The following SKA1 variants were observed in gnomAD, a reference collection of about 807,000 sequenced individuals.
The protein encoded by SKA1 is spindle and kinetochore associated complex subunit 1.
Under a neutral mutation model 31.8 loss-of-function variants are expected in SKA1, and 20 were observed. The ratio of observed to expected loss-of-function variants is 0.63; its 90% CI spans 0.44 to 0.91. The LOEUF (loss-of-function observed/expected upper bound fraction) is 0.91, where lower values mean the gene tolerates loss of function less well. SKA1 is among the 40% of genes least tolerant of loss of function. SKA1 has a pLI of 0.00. For missense variants in SKA1, 253 were observed against 298.2 expected, an observed-to-expected ratio of 0.85 and a Z score of 1.12; for synonymous variants, 88 against 100.5, an observed-to-expected ratio of 0.88 and a Z score of 0.74.
At chr18:50,385,416 A>T in intron 5 of SKA1, 63 bp downstream of exon 5, 9 of 1,326,756 alleles carry the variant, frequency 6.8e-6, no homozygotes, top group Non-Finnish European at 9.3e-6. Flanking sequence ...TTTAAATAAT[A>T]AAGCTTAATT....
intron 2 of SKA1, among the ~76,000 whole-genome samples, chr18:50,376,232 G>A (rs900681705): frequency 2.0e-5 from 3 of 152,194 alleles, no homozygotes; most frequent in Admixed American, 6.5e-5. Flanking sequence ...ACAGTCATGC[G>A]TTCCTTAATG....
intron 6 of SKA1, among the ~76,000 whole-genome samples, 153 bp from the exon 7 acceptor site, chr18:50,391,946 A>G (rs538956253): frequency 1.3e-5 from 2 of 152,364 alleles, no homozygotes; most frequent in African/African-American, 4.8e-5. Flanking sequence ...TGTTGATAGA[A>G]TAATTATTAT....
At position 50,391,163 on chromosome 18, in the gene SKA1, T is replaced by A. The variant is rs1335701514; in HGVS notation, c.489T>A (p.Asp163Glu). 1 of 1,578,638 alleles carries A rather than the reference T, an allele frequency of 6.3e-7. No individual in the cohort carries two copies. Among genetic ancestry groups the A allele is most frequent in the South Asian group, 1.2e-5 (1 of 84,996 alleles). The change falls in exon 6 of 7, where the codon GAT (aspartate) becomes GAA (glutamate). Residue 163 changes from aspartate (D) to glutamate (E), a missense_variant. Physicochemically the swap from Asp to Glu is conservative, Grantham distance 45. Transcript: ENST00000285116. ...KSRLTYNQIN[D>E]VIKEINKAVI... ...GCTTAACCTATAATCAAATTAATGA[T>A]GTTATTAAAGAAATCAACAAGGCAG...
Position 50,375,929 on chromosome 18 carries a change from C to A in SKA1, c.88+11C>A, listed in dbSNP as rs758257300. On this transcript the variant is annotated intron_variant, in intron 2 of 6. Coordinates refer to ENST00000285116, the MANE Select transcript of SKA1 (RefSeq NM_145060.4). ...CATTAAGAAACTGTGGTAAGTAAAACAGATTCCACTGACTTTGTATATACA... is the reference window on the plus strand; with the variant it reads ...CATTAAGAAACTGTGGTAAGTAAAAAAGATTCCACTGACTTTGTATATACA... 1 of 1,497,610 alleles carries A rather than the reference C, an allele frequency of 6.7e-7. No homozygotes were observed. The allele number at this position is 1,497,610 out of a possible 1,614,324, so 92.8% of individuals were successfully genotyped here.
At chr18:50,383,825 A>G (rs1234726602) in intron 4 of SKA1, among the ~76,000 whole-genome samples, 1 of 152,240 alleles carries the variant, frequency 6.6e-6, no homozygotes, top group East Asian at 1.9e-4. Context: ...GGTCAAGACA[A>G]ACAAGTACAG....
chr18:50,385,879 A>T (rs1194129811), intron 5 of SKA1, among the ~76,000 whole-genome samples: 1 of 152,194 alleles, frequency 6.6e-6, no homozygotes. Context: ...GAAAATCGAC[A>T]TTTTTAAACT....
intron 2 of SKA1, among the ~76,000 whole-genome samples, chr18:50,379,077 A>C (rs2041244023): frequency 6.6e-6 from 1 of 152,190 alleles, no homozygotes; most frequent in African/African-American, 2.4e-5. Context: ...CATATTGCCA[A>C]AGTCTGCTTT....
chr18:50,389,375 C>CTTTTTT (rs756288352), intron 5 of SKA1, among the ~76,000 whole-genome samples: 23 of 86,120 alleles, frequency 2.7e-4, no homozygotes, highest in African/African-American at 1.1e-3. Flanking sequence ...CTTTACCTTT[C>CTTTTTT]TTTTTTTTTT....
At position 50,380,301 on chromosome 18, in the gene SKA1, C is replaced by A; in HGVS notation, c.213+51C>A. On this transcript the variant is annotated intron_variant, in intron 3 of 6. Coordinates refer to ENST00000285116, the MANE Select transcript of SKA1 (RefSeq NM_145060.4). Reference sequence around the variant, plus strand: ...GTAAAAAAGACAATACATACAAACTCCCTAATCATTAAGTAATTTTTAAGG... The same window carrying A: ...GTAAAAAAGACAATACATACAAACTACCTAATCATTAAGTAATTTTTAAGG... 3 of 1,487,160 alleles carry A rather than the reference C, an allele frequency of 2.0e-6. No individual in the cohort carries two copies. The East Asian group carries it at 8.0e-5, about 39-fold the overall frequency. 92.1% of individuals were successfully genotyped at this position (1,487,160 alleles called of 1,614,324 possible). A position where few individuals can be genotyped will look rare whatever the true frequency, so the allele number is the denominator to read the frequency against.
rs756288352 is a variant in SKA1 at position 50,389,375 on chromosome 18, CTT to C, written c.450-1725_450-1724del. 5.5e-3 allele frequency among the ~76,000 whole-genome samples: 471 copies of C among 86,112 alleles called. 3 individuals carry two copies. The East Asian group carries it at 0.067, about 12-fold the overall frequency. 56.5% of individuals were successfully genotyped at this position (86,112 alleles called of 152,430 possible). A position where few individuals can be genotyped will look rare whatever the true frequency, so the allele number is the denominator to read the frequency against. On this transcript the variant is annotated intron_variant, in intron 5 of 6. Coordinates refer to ENST00000285116, the MANE Select transcript of SKA1 (RefSeq NM_145060.4). ...TCATTTTGTCATTTCCTTTACCTTT[CTT>C]TTTTTTTTTTTTTTTTTTTTTTTAC...
intron 4 of SKA1, among the ~76,000 whole-genome samples, chr18:50,382,975 G>A (rs1195810717): frequency 7.2e-5 from 11 of 152,170 alleles, no homozygotes; most frequent in African/African-American, 1.2e-4. Flanking sequence ...TCAAGGCTGC[G>A]GTGAGCCCTG....
At position 50,392,215 on chromosome 18, in the gene SKA1, G is replaced by A; in HGVS notation, c.736G>A (p.Gly246Arg). Residue 246 changes from glycine to arginine, a missense_variant, in exon 7 of 7, where the codon GGG (glycine) becomes AGG (arginine). Transcript: ENST00000285116. ...CTGCCGGAGGCTATCAGAGGTCCGA[G>A]GGGGAGGACTTACTCGTTATGTTAT... Reference protein sequence around the residue: ...RHCRRLSEVRGGGLTRYVIT With the variant: ...RHCRRLSEVRRGGLTRYVIT 1.3e-6 allele frequency: 2 copies of A among 1,598,280 alleles called. No individual in the cohort carries two copies. Among genetic ancestry groups the A allele is most frequent in the African/African-American group, 1.4e-5 (1 of 73,962 alleles).
rs1279921754 is a variant in SKA1, at chr18:50,393,108, A to G, written c.*861A>G. The G allele has an allele frequency of 6.6e-6, 1 of 152,286 alleles. No homozygotes were observed. Among genetic ancestry groups the G allele is most frequent in the African/African-American group, 2.4e-5 (1 of 41,466 alleles). The allele number at this position is 152,286 out of a possible 1,614,324, so 9.4% of individuals were successfully genotyped here. ...GAATACGCCTCTGTACTAGGCACATAATGGAACTAAAAAATGCTCATGTCC... is the reference window on the plus strand; with the variant it reads ...GAATACGCCTCTGTACTAGGCACATGATGGAACTAAAAAATGCTCATGTCC... On this transcript the variant is annotated 3_prime_UTR_variant, in exon 7 of 7. Coordinates refer to ENST00000285116, the MANE Select transcript of SKA1 (RefSeq NM_145060.4).
At chr18:50,385,051 C>T (rs530220729) in intron 4 of SKA1, among the ~76,000 whole-genome samples, 165 bp from the exon 5 acceptor site, 1 of 149,486 alleles carries the variant, frequency 6.7e-6, no homozygotes, top group Non-Finnish European at 1.5e-5. Flanking sequence ...TTTCCTTCAC[C>T]GTTTAATGTT....
intron 3 of SKA1, among the ~76,000 whole-genome samples, chr18:50,381,730 T>G (rs1042095975): frequency 6.7e-6 from 1 of 149,086 alleles, no homozygotes; most frequent in African/African-American, 2.5e-5. Context: ...GTGGTTTTTT[T>G]TTTTTTTTTT....
chr18:50,389,699 A>G (rs2041342036), intron 5 of SKA1, among the ~76,000 whole-genome samples: 1 of 152,110 alleles, frequency 6.6e-6, no homozygotes, highest in South Asian at 2.1e-4. Flanking sequence ...ACTAGCAGTC[A>G]TTTCCTTTAT....
chr18:50,387,625 G>A (rs954118801), intron 5 of SKA1, among the ~76,000 whole-genome samples: 6 of 152,134 alleles, frequency 3.9e-5, no homozygotes, highest in African/African-American at 1.4e-4. Context: ...CAAGTTCGCT[G>A]ATTCTTTCTT....
intron 2 of SKA1, 33 bp from the exon 3 acceptor site, chr18:50,380,093 C>G (rs749298908): frequency 4.4e-5 from 65 of 1,467,154 alleles, no homozygotes; most frequent in Non-Finnish European, 5.9e-5. Context: ...TTTCTATACA[C>G]TTTGTTTTCT....
chr18:50,386,374 A>G (rs980753231), intron 5 of SKA1, among the ~76,000 whole-genome samples: 6 of 152,208 alleles, frequency 3.9e-5, no homozygotes, highest in African/African-American at 1.4e-4. Flanking sequence ...AGAGTTTTTC[A>G]TACCAGTTCA....
Sources: allele counts gnomAD v4.1 joint callset (sites outside exome capture counted in the v4.1 genomes callset), GRCh38; gene constraint gnomAD v4.1.1; transcripts MANE v1.5; gene names NCBI Gene and HGNC (gene_info 2026-07-23, HGNC 2026-07-21).